Variants in ATP8A2 observed in about 807,000 individuals in gnomAD.
ATP8A2 encodes the protein phospholipid-transporting ATPase IB.
ATP8A2 carries 100 observed loss-of-function variants against 165.6 expected under a neutral mutation model. That is an observed-to-expected ratio of 0.60 (90% CI 0.51 to 0.71). The LOEUF (loss-of-function observed/expected upper bound fraction) is 0.71, where lower values mean the gene tolerates loss of function less well. Among genes scored for constraint, ATP8A2 ranks in the 30% least tolerant of loss-of-function variants. ATP8A2 has a pLI of 0.00. For missense variants in ATP8A2, 1,227 were observed against 1,479.5 expected (o/e 0.83, Z 2.80); for synonymous variants, 543 against 548.8 (o/e 0.99, Z 0.15).
intron 33 of ATP8A2, among the ~76,000 whole-genome samples, chr13:25,880,377 CAAA>C (rs10641772): frequency 6.5e-5 from 6 of 91,618 alleles, no homozygotes; most frequent in Non-Finnish European, 4.9e-5. Context: ...TCAGGAACAA[CAAA>C]AAAAAAAAAA....
chr13:25,471,266 T>C (rs745338219), intron 2 of ATP8A2, among the ~76,000 whole-genome samples: 1 of 152,034 alleles, frequency 6.6e-6, no homozygotes, highest in Non-Finnish European at 1.5e-5. Flanking sequence ...AATTTTGTTA[T>C]CCATTTATGC....
intron 24 of ATP8A2, among the ~76,000 whole-genome samples, chr13:25,646,541 A>C (rs2041675720): frequency 1.3e-5 from 2 of 151,084 alleles, no homozygotes; most frequent in African/African-American, 4.9e-5. Context: ...CTGTAATCCC[A>C]GCTGCTTGGG....
At chr13:25,509,641 ATT>A (rs1417094986) in intron 2 of ATP8A2, among the ~76,000 whole-genome samples, 2 of 151,946 alleles carry the variant, frequency 1.3e-5, no homozygotes, top group Non-Finnish European at 2.9e-5. Flanking sequence ...GTAATACTGT[ATT>A]TTTCTTAAAG....
chr13:25,875,568 C>G (rs1470514772), intron 33 of ATP8A2, among the ~76,000 whole-genome samples: 1 of 151,782 alleles, frequency 6.6e-6, no homozygotes, highest in African/African-American at 2.4e-5. Flanking sequence ...AGGATCTGCA[C>G]CTAAGAAGTG....
At chr13:25,501,709 C>A (rs1207065081) in intron 2 of ATP8A2, among the ~76,000 whole-genome samples, 3 of 152,204 alleles carry the variant, frequency 2.0e-5, no homozygotes, top group Admixed American at 2.0e-4. Flanking sequence ...ACAAGACACA[C>A]ATCCATGGTT....
rs141857220 is a variant in ATP8A2, at chr13:25,588,521, G to A, written c.2147-1114G>A. Among the ~76,000 whole-genome samples, 535 of 152,244 alleles carry A rather than the reference G, an allele frequency of 3.5e-3. 5 individuals are homozygous for A. The highest frequency in any genetic ancestry group is 6.1e-3 in the Non-Finnish European group (412 of 68,016). ...AGAAGGATGTCTTCTTCCCTGTCCT[G>A]TGAGGAGAATCCTTACTCCTCCCCC... On this transcript the variant is annotated intron_variant, in intron 23 of 36. Transcript: ENST00000381655.
chr13:25,573,942 T>C (rs540419053), intron 18 of ATP8A2, among the ~76,000 whole-genome samples: 1 of 152,306 alleles, frequency 6.6e-6, no homozygotes, highest in East Asian at 1.9e-4. Context: ...TTGAATGTGT[T>C]ACTTCATTGA....
chr13:25,678,169 C>T (rs1022957569), intron 24 of ATP8A2, among the ~76,000 whole-genome samples: 1 of 152,104 alleles, frequency 6.6e-6, no homozygotes, highest in Admixed American at 6.5e-5. Flanking sequence ...CCTGTCAAGG[C>T]ACTTGATGAT....
Position 25,638,229 on chromosome 13 carries a change from C to T in ATP8A2, c.2211+48530C>T, listed in dbSNP as rs748455853. ...CCCCCTCCAAAGGAACGCAGCTCCT[C>T]GCCAGCAACGGAACAAAGCTGGATG... On this transcript the variant is annotated intron_variant, in intron 24 of 36. Transcript: ENST00000381655. Among the ~76,000 whole-genome samples the T allele has an allele frequency of 2.8e-4, 42 of 152,334 alleles. No individual in the cohort carries two copies. In the Middle Eastern group the frequency reaches 0.017, roughly 62 times the overall value.
chr13:25,431,947 A>T (rs2034626287), intron 1 of ATP8A2, among the ~76,000 whole-genome samples: 1 of 151,964 alleles, frequency 6.6e-6, no homozygotes, highest in South Asian at 2.1e-4. Context: ...GTCTCTAAGG[A>T]TTTACCTATT....
intron 1 of ATP8A2, among the ~76,000 whole-genome samples, chr13:25,461,642 A>G (rs1593339998): frequency 6.6e-6 from 1 of 152,330 alleles, no homozygotes; most frequent in African/African-American, 2.4e-5. Context: ...AACTCATGTA[A>G]TAACAGTTTG....
chr13:25,948,495 T>A (rs1955268603), intron 33 of ATP8A2, among the ~76,000 whole-genome samples: 1 of 152,144 alleles, frequency 6.6e-6, no homozygotes, highest in Non-Finnish European at 1.5e-5. Flanking sequence ...AACGAGTCAA[T>A]GGCAGAGCTG....
At chr13:25,917,804 A>G (rs1954312741) in intron 33 of ATP8A2, among the ~76,000 whole-genome samples, 1 of 152,234 alleles carries the variant, frequency 6.6e-6, no homozygotes, top group South Asian at 2.1e-4. Context: ...AGAAAGATGT[A>G]TTTGTTTTTT....
intron 2 of ATP8A2, among the ~76,000 whole-genome samples, chr13:25,516,296 A>G (rs1196216750): frequency 6.6e-6 from 1 of 152,054 alleles, no homozygotes; most frequent in Non-Finnish European, 1.5e-5. Flanking sequence ...GACTGAGGGC[A>G]AAAGCGTTTG....
intron 33 of ATP8A2, among the ~76,000 whole-genome samples, chr13:25,929,908 T>C (rs1954719247): frequency 6.6e-6 from 1 of 152,182 alleles, no homozygotes; most frequent in Non-Finnish European, 1.5e-5. Context: ...GGCTTTTCCC[T>C]AATGTCACTG....
At chr13:25,535,132 G>A (rs1050058401) in intron 6 of ATP8A2, among the ~76,000 whole-genome samples, 1 of 152,102 alleles carries the variant, frequency 6.6e-6, no homozygotes, top group Non-Finnish European at 1.5e-5. Context: ...GCTCTTGAAG[G>A]GTGAATCAGG....
chr13:25,430,643 C>T (rs1474813753), intron 1 of ATP8A2, among the ~76,000 whole-genome samples: 1 of 152,068 alleles, frequency 6.6e-6, no homozygotes, highest in African/African-American at 2.4e-5. Context: ...CGCTCTGTTG[C>T]CCAGACTGAA....
intron 6 of ATP8A2, among the ~76,000 whole-genome samples, chr13:25,535,857 C>G (rs9581379): frequency 0.051 from 7,808 of 151,990 alleles, 243 homozygotes; most frequent in South Asian, 0.13. Context: ...TTTTTTCAAG[C>G]AAAATCCAAG....
At chr13:25,854,016 C>T (rs1952084619) in intron 30 of ATP8A2, among the ~76,000 whole-genome samples, 1 of 152,164 alleles carries the variant, frequency 6.6e-6, no homozygotes, top group African/African-American at 2.4e-5. Context: ...AGAGCTGGAA[C>T]AGAGAGCAGG....
Sources: allele counts gnomAD v4.1 joint callset (sites outside exome capture counted in the v4.1 genomes callset), GRCh38; gene constraint gnomAD v4.1.1; transcripts MANE v1.5; gene names NCBI Gene and HGNC (gene_info 2026-07-23, HGNC 2026-07-21).